The following OLIG2 variants were observed in gnomAD, a reference collection of about 807,000 sequenced individuals.
OLIG2 encodes the protein oligodendrocyte transcription factor 2.
Under a neutral mutation model 13.4 loss-of-function variants are expected in OLIG2, and 12 were observed. The observed-to-expected ratio is 0.90, with a 90% CI of 0.58 to 1.46. OLIG2 has a LOEUF of 1.46. Ranked by LOEUF, OLIG2 falls within the 40% of genes most tolerant of loss-of-function variation. The pLI is 0.00. For synonymous variants in OLIG2, 250 were observed against 233.6 expected (o/e 1.07, Z -0.64); for missense variants, 415 against 487.9 (o/e 0.85, Z 1.41).
Position 33,028,974 on chromosome 21 carries a change from T to C in OLIG2, c.*1140T>C, listed in dbSNP as rs1057494069. On this transcript the variant is annotated 3_prime_UTR_variant, in exon 2 of 2. Transcript: ENST00000382357. ...ATGGTAAACTCCTCCACGTGCTTCC[T>C]GCGTTCCGTGCAAGCCGCCTCGGCG... 2 of 242,520 alleles carry C rather than the reference T, an allele frequency of 8.2e-6. No individual in the cohort carries two copies. The highest frequency in any genetic ancestry group is 8.7e-6 in the Non-Finnish European group (1 of 114,684). The allele number at this position is 242,520 out of a possible 1,614,324, so 15.0% of individuals were successfully genotyped here. A position where few individuals can be genotyped will look rare whatever the true frequency, so the allele number is the denominator to read the frequency against.
In OLIG2 at chr21:33,028,888, C is replaced by T. The variant is rs1981212219; in HGVS notation, c.*1054C>T. 1 of 242,432 alleles carries T rather than the reference C, an allele frequency of 4.1e-6. No homozygotes were observed. The highest frequency in any genetic ancestry group is 8.7e-6 in the Non-Finnish European group (1 of 114,540). 15.0% of individuals were successfully genotyped at this position (242,432 alleles called of 1,614,324 possible). A position where few individuals can be genotyped will look rare whatever the true frequency, so the allele number is the denominator to read the frequency against. ...GCTGTTTGCTCACGTGACTGCCAGC[C>T]CCATCGGAGTCTAAGCCGGCTTTCC... On this transcript the variant is annotated 3_prime_UTR_variant, in exon 2 of 2. Transcript: ENST00000382357.
rs1352415675 is a variant in OLIG2, at chr21:33,027,751, A to C, written c.889A>C (p.Met297Leu). The C allele has an allele frequency of 1.4e-6, 2 of 1,399,418 alleles. No homozygotes were observed. Among genetic ancestry groups the C allele is most frequent in the South Asian group, 1.5e-5 (1 of 65,346 alleles). The allele number at this position is 1,399,418 out of a possible 1,614,324, so 86.7% of individuals were successfully genotyped here. The change falls in exon 2 of 2, where the codon ATG becomes CTG. Residue 297 changes from methionine (M) to leucine (L), a missense_variant. This residue lies in a region of OLIG2 where 243 missense variants were observed against 241.2 expected (regional missense o/e 1.01). Coordinates refer to ENST00000382357, the MANE Select transcript of OLIG2 (RefSeq NM_005806.4). ...HWGGMPCPCS[M>L]CQVPPPHHHV... ...GGGCGGCATGCCCTGCCCCTGCAGC[A>C]TGTGCCAGGTGCCGCCGCCGCACCA...
chr21:33,027,719 A>G lies in OLIG2; in HGVS notation c.857A>G (p.Gln286Arg). 1 of 1,365,542 alleles carries G rather than the reference A, an allele frequency of 7.3e-7. No individual in the cohort carries two copies. The highest frequency in any genetic ancestry group is 9.4e-7 in the Non-Finnish European group (1 of 1,067,344). 84.6% of individuals were successfully genotyped at this position (1,365,542 alleles called of 1,614,324 possible). Residue 286 changes from glutamine to arginine, a missense_variant, in exon 2 of 2, where the codon CAG becomes CGG. Physicochemically the swap from Gln to Arg is conservative, Grantham distance 43. This residue lies in a region of OLIG2 where 243 missense variants were observed against 241.2 expected (regional missense o/e 1.01). Coordinates refer to ENST00000382357, the MANE Select transcript of OLIG2 (RefSeq NM_005806.4). ...GGCAGTGGGGCGAGCGGGGGCTTCC[A>G]GCACTGGGGCGGCATGCCCTGCCCC... The part of the protein sequence containing the change: ...GGGSGASGGF[Q>R]HWGGMPCPCS...
At position 33,028,250 on chromosome 21, in the gene OLIG2, T is replaced by C; in HGVS notation, c.*416T>C. 4.5e-6 allele frequency: 1 copy of C among 224,348 alleles called. No homozygotes were observed. The highest frequency in any genetic ancestry group is 8.8e-6 in the Non-Finnish European group (1 of 113,938). The allele number at this position is 224,348 out of a possible 1,614,324, so 13.9% of individuals were successfully genotyped here. On this transcript the variant is annotated 3_prime_UTR_variant, in exon 2 of 2. Coordinates refer to ENST00000382357, the MANE Select transcript of OLIG2 (RefSeq NM_005806.4). ...GGCAGCACTTCGGGGGGGGAGGGGG[T>C]GTTATGGGAGGGGGACACATTGGGG...
rs772279504 is a variant in OLIG2 at position 33,026,607 on chromosome 21, C to T, written c.-62-194C>T. On this transcript the variant is annotated intron_variant, in intron 1 of 1. Coordinates refer to ENST00000382357, the MANE Select transcript of OLIG2 (RefSeq NM_005806.4). The surrounding 1 kb of genome is among the most constrained non-coding windows in gnomAD (Gnocchi z 6.6). ...TAGAGAGAGCTTAATTATAGGTACC[C>T]GCGTGCAGCTAAAAGGAGGGCCAGA... 8.9e-6 allele frequency: 5 copies of T among 561,540 alleles called. No homozygotes were observed. The highest frequency in any genetic ancestry group is 3.2e-6 in the Non-Finnish European group (1 of 315,444). The allele number at this position is 561,540 out of a possible 1,614,324, so 34.8% of individuals were successfully genotyped here.
At position 33,026,852 on chromosome 21, in the gene OLIG2, C is replaced by G. The variant is rs1981093452; in HGVS notation, c.-11C>G. The stretch of plus-strand genomic sequence containing the variant: ...CTGCGAAAGCTGCGACGACTATCTT[C>G]CCCTGGGGCCATGGACTCGGACGCC... On this transcript the variant is annotated 5_prime_UTR_variant, in exon 2 of 2. Transcript: ENST00000382357. This position sits in a 1 kb window ranked among gnomAD's most constrained non-coding sequence, Gnocchi z 6.6. 1 of 1,607,578 alleles carries G rather than the reference C, an allele frequency of 6.2e-7. No individual in the cohort carries two copies. The highest frequency in any genetic ancestry group is 1.3e-5 in the African/African-American group (1 of 74,928).
At position 33,028,345 on chromosome 21, in the gene OLIG2, CG is replaced by C. The variant is rs1183418079; in HGVS notation, c.*512del. On this transcript the variant is annotated 3_prime_UTR_variant, in exon 2 of 2. Coordinates refer to ENST00000382357, the MANE Select transcript of OLIG2 (RefSeq NM_005806.4). ...TAGCCGCACTGCAGAAGCAACAGCC[CG>C]ACCGCGCCCTCCAGGGTCGTCCCTG... The C allele has an allele frequency of 4.1e-6, 1 of 243,734 alleles. No individual in the cohort carries two copies. Among genetic ancestry groups the C allele is most frequent in the Non-Finnish European group, 8.6e-6 (1 of 115,676 alleles). 15.1% of individuals were successfully genotyped at this position (243,734 alleles called of 1,614,324 possible).
In OLIG2 at chr21:33,027,813, C is replaced by A; in HGVS notation, c.951C>A (p.Arg317=). The A allele has an allele frequency of 7.0e-7, 1 of 1,424,634 alleles. No homozygotes were observed. The highest frequency in any genetic ancestry group is 9.1e-7 in the Non-Finnish European group (1 of 1,096,472). 88.2% of individuals were successfully genotyped at this position (1,424,634 alleles called of 1,614,324 possible). Residue 317 remains arginine, a synonymous_variant, in exon 2 of 2, where the codon CGC becomes CGA. Transcript: ENST00000382357. ...CTATGGGCGCCGGCAGCCTGCCGCG[C>A]CTCACCTCCGACGCCAAGTGAGCCG... The part of the protein sequence containing the change: ...VSAMGAGSLP[R]LTSDAK
Position 33,027,800 on chromosome 21 carries a change from G to A in OLIG2, c.938G>A (p.Gly313Asp). The change falls in exon 2 of 2, where the codon GGC becomes GAC. Residue 313 changes from glycine to aspartate, a missense_variant. Physicochemically the swap from Gly to Asp is moderately conservative, Grantham distance 94. Transcript: ENST00000382357. ...PHHHVSAMGA[G>D]SLPRLTSDAK ...CACCACGTGTCGGCTATGGGCGCCGGCAGCCTGCCGCGCCTCACCTCCGAC... is the reference window on the plus strand; with the variant it reads ...CACCACGTGTCGGCTATGGGCGCCGACAGCCTGCCGCGCCTCACCTCCGAC... 1 of 1,427,162 alleles carries A rather than the reference G, an allele frequency of 7.0e-7. No individual in the cohort carries two copies. The highest frequency in any genetic ancestry group is 1.4e-5 in the South Asian group (1 of 70,762). The allele number at this position is 1,427,162 out of a possible 1,614,324, so 88.4% of individuals were successfully genotyped here.
chr21:33,027,316 C>T lies in OLIG2; in HGVS notation c.454C>T (p.Leu152=), dbSNP rs747374507. Residue 152 remains leucine (L), a synonymous_variant, in exon 2 of 2, where the codon CTG becomes TTG. Coordinates refer to ENST00000382357, the MANE Select transcript of OLIG2 (RefSeq NM_005806.4). ...SVRKLSKIAT[L]LLARNYILML... is the part of the protein sequence containing the mutation. Reference sequence around the variant, plus strand: ...GCGCAAGCTTTCCAAGATCGCCACGCTGCTGCTGGCGCGCAACTACATCCT... The same window carrying T: ...GCGCAAGCTTTCCAAGATCGCCACGTTGCTGCTGGCGCGCAACTACATCCT... The T allele has an allele frequency of 8.2e-6, 13 of 1,594,696 alleles. No individual in the cohort carries two copies. The South Asian group carries it at 1.5e-4, about 18-fold the overall frequency.
chr21:33,027,510 G>C lies in OLIG2; in HGVS notation c.648G>C (p.Ala216=). Residue 216 remains alanine, a synonymous_variant, in exon 2 of 2, where the codon GCG becomes GCC. Coordinates refer to ENST00000382357, the MANE Select transcript of OLIG2 (RefSeq NM_005806.4). The stretch of plus-strand genomic sequence containing the variant: ...CAGCGCACGCCGCACATCACCCCGC[G>C]GTGCACCACCCCATCCTGCCGCCCG... ...AAAAHAAHHP[A]VHHPILPPAA... 1 of 1,480,114 alleles carries C rather than the reference G, an allele frequency of 6.8e-7. No homozygotes were observed. Among genetic ancestry groups the C allele is most frequent in the Non-Finnish European group, 8.9e-7 (1 of 1,122,888 alleles). The allele number at this position is 1,480,114 out of a possible 1,614,324, so 91.7% of individuals were successfully genotyped here. A position where few individuals can be genotyped will look rare whatever the true frequency, so the allele number is the denominator to read the frequency against.
chr21:33,026,557 C>A lies in OLIG2; in HGVS notation c.-62-244C>A. Reference sequence around the variant, plus strand: ...GGTCACCAACGCTCCCTGAAATAACCTGTTGCATGAGAGCAGAGGGGAGAT... The same window carrying A: ...GGTCACCAACGCTCCCTGAAATAACATGTTGCATGAGAGCAGAGGGGAGAT... On this transcript the variant is annotated intron_variant, in intron 1 of 1. Coordinates refer to ENST00000382357, the MANE Select transcript of OLIG2 (RefSeq NM_005806.4). The surrounding 1 kb of genome is among the most constrained non-coding windows in gnomAD (Gnocchi z 6.6). 2.5e-6 allele frequency: 1 copy of A among 400,686 alleles called. No individual in the cohort carries two copies. Among genetic ancestry groups the A allele is most frequent in the Non-Finnish European group, 4.5e-6 (1 of 220,384 alleles). 24.8% of individuals were successfully genotyped at this position (400,686 alleles called of 1,614,324 possible).
chr21:33,027,913 G>T lies in OLIG2; in HGVS notation c.*79G>T. Reference sequence around the variant, plus strand: ...GCGAGGACTGGCCTGCGCTGGGCTCGGGAGCTCTGTCGCGAGGAGGGGCGC... The same window carrying T: ...GCGAGGACTGGCCTGCGCTGGGCTCTGGAGCTCTGTCGCGAGGAGGGGCGC... On this transcript the variant is annotated 3_prime_UTR_variant, in exon 2 of 2. Coordinates refer to ENST00000382357, the MANE Select transcript of OLIG2 (RefSeq NM_005806.4). The T allele has an allele frequency of 7.6e-7, 1 of 1,315,050 alleles. No homozygotes were observed. Among genetic ancestry groups the T allele is most frequent in the Non-Finnish European group, 9.7e-7 (1 of 1,028,024 alleles). 81.5% of individuals were successfully genotyped at this position (1,315,050 alleles called of 1,614,324 possible).
rs947696051 is a variant in OLIG2, at chr21:33,026,350, G to A, written c.-63+324G>A. 1 of 155,766 alleles carries A rather than the reference G, an allele frequency of 6.4e-6. No individual in the cohort carries two copies. Among genetic ancestry groups the A allele is most frequent in the African/African-American group, 2.4e-5 (1 of 41,476 alleles). 9.6% of individuals were successfully genotyped at this position (155,766 alleles called of 1,614,324 possible). A position where few individuals can be genotyped will look rare whatever the true frequency, so the allele number is the denominator to read the frequency against. ...ATGTGCGTGTGCGTGTGTTTGCTGC[G>A]TGGTGTCGATGGAGATAAGGTGGAT... On this transcript the variant is annotated intron_variant, in intron 1 of 1. Coordinates refer to ENST00000382357, the MANE Select transcript of OLIG2 (RefSeq NM_005806.4). The surrounding 1 kb of genome is among the most constrained non-coding windows in gnomAD (Gnocchi z 6.6).
chr21:33,027,560 C>G lies in OLIG2; in HGVS notation c.698C>G (p.Ala233Gly). 6.8e-7 allele frequency: 1 copy of G among 1,476,038 alleles called. No homozygotes were observed. Among genetic ancestry groups the G allele is most frequent in the Non-Finnish European group, 8.9e-7 (1 of 1,118,446 alleles). 91.4% of individuals were successfully genotyped at this position (1,476,038 alleles called of 1,614,324 possible). Reference sequence around the variant, plus strand: ...GCCGCCGCAGCGGCTGCTGCCGCCGCTGCAGCCGCGGCTGTGTCCAGCGCC... The same window carrying G: ...GCCGCCGCAGCGGCTGCTGCCGCCGGTGCAGCCGCGGCTGTGTCCAGCGCC... ...PPAAAAAAAAAAAAAVSSASL... is the reference protein window; with the variant it reads ...PPAAAAAAAAGAAAAVSSASL... Residue 233 changes from alanine (A) to glycine (G), a missense_variant, in exon 2 of 2, where the codon GCT becomes GGT. Ala to Gly is a moderately conservative substitution (Grantham distance 60). Around this residue, in one of 3 missense-constraint regions of OLIG2, gnomAD observed 243 missense variants for 241.2 expected, o/e 1.01. Transcript: ENST00000382357.
Position 33,026,805 on chromosome 21 carries a change from C to T in OLIG2, c.-58C>T. The T allele has an allele frequency of 1.9e-6, 3 of 1,581,206 alleles. No homozygotes were observed. The highest frequency in any genetic ancestry group is 2.6e-6 in the Non-Finnish European group (3 of 1,167,756). Reference sequence around the variant, plus strand: ...TTTCTCCTCCTCTCCTGGAAGTTTTCGGGTCCGAGGGAAGGAGGACCCTGC... The same window carrying T: ...TTTCTCCTCCTCTCCTGGAAGTTTTTGGGTCCGAGGGAAGGAGGACCCTGC... On this transcript the variant is annotated 5_prime_UTR_variant, in exon 2 of 2. Transcript: ENST00000382357. This position sits in a 1 kb window ranked among gnomAD's most constrained non-coding sequence, Gnocchi z 6.6.
chr21:33,028,590 G>A lies in OLIG2; in HGVS notation c.*756G>A, dbSNP rs933076604. ...AGCAAGTTTATAGACATTCAGAGTA[G>A]AACCACTTGTGGATTGGAATAACCC... On this transcript the variant is annotated 3_prime_UTR_variant, in exon 2 of 2. Coordinates refer to ENST00000382357, the MANE Select transcript of OLIG2 (RefSeq NM_005806.4). The A allele has an allele frequency of 2.1e-5, 5 of 240,406 alleles. No individual in the cohort carries two copies. The highest frequency in any genetic ancestry group is 1.1e-4 in the African/African-American group (5 of 44,856). 14.9% of individuals were successfully genotyped at this position (240,406 alleles called of 1,614,324 possible). A position where few individuals can be genotyped will look rare whatever the true frequency, so the allele number is the denominator to read the frequency against.
chr21:33,027,063 G>A lies in OLIG2; in HGVS notation c.201G>A (p.Gly67=), dbSNP rs1279843503. The change falls in exon 2 of 2, where the codon GGG becomes GGA. Residue 67 remains glycine (G), a synonymous_variant. Transcript: ENST00000382357. The part of the protein sequence containing the change: ...GAMGSAGAHP[G]DKLGGSGFKS... ...TGGGCTCTGCGGGCGCGCATCCTGG[G>A]GACAAGCTAGGAGGCAGTGGCTTCA... The A allele has an allele frequency of 4.3e-6, 7 of 1,611,872 alleles. No homozygotes were observed. Among genetic ancestry groups the A allele is most frequent in the Non-Finnish European group, 5.9e-6 (7 of 1,179,082 alleles).
chr21:33,027,554 CCGCCGCTGCAGCCGCGGCTGT>C lies in OLIG2; in HGVS notation c.693_713del (p.Ala232_Val238del), dbSNP rs1389452226. 1 of 1,474,868 alleles carries C rather than the reference CCGCCGCTGCAGCCGCGGCTGT, an allele frequency of 6.8e-7. No individual in the cohort carries two copies. The highest frequency in any genetic ancestry group is 8.9e-7 in the Non-Finnish European group (1 of 1,117,858). The allele number at this position is 1,474,868 out of a possible 1,614,324, so 91.4% of individuals were successfully genotyped here. On this transcript the variant is annotated inframe_deletion, in exon 2 of 2. Coordinates refer to ENST00000382357, the MANE Select transcript of OLIG2 (RefSeq NM_005806.4). ...CCGCCCGCCGCCGCAGCGGCTGCTGCCGCCGCTGCAGCCGCGGCTGTGTCCAGCGCCTCTCTGCCCGGATCC... is the reference window on the plus strand; with the variant it reads ...CCGCCCGCCGCCGCAGCGGCTGCTGCGTCCAGCGCCTCTCTGCCCGGATCC...
Sources: gnomAD v4.1 joint callset for allele counts on GRCh38, gnomAD v4.1.1 for gene constraint, gnomAD v4.1.1 regional missense constraint, Gnocchi (gnomAD v3.1) non-coding constraint, MANE v1.5 for transcripts, NCBI Gene and HGNC (gene_info 2026-07-23, HGNC 2026-07-21) for gene names.